The following MAPRE2 variants were observed in gnomAD, a reference collection of about 807,000 sequenced individuals.
The protein encoded by MAPRE2 is microtubule-associated protein RP/EB family member 2.
Under a neutral mutation model 43.2 loss-of-function variants are expected in MAPRE2, and 13 were observed. That is an observed-to-expected ratio of 0.30 (90% CI 0.20 to 0.48). MAPRE2 has a LOEUF of 0.48. Ranked by LOEUF, MAPRE2 falls within the 20% of genes least tolerant of loss-of-function variation. The probability of loss-of-function intolerance (pLI) is 0.99; values close to 1 mark genes in which losing one functional copy is unlikely to be tolerated. For missense variants in MAPRE2, 161 were observed against 400.2 expected (o/e 0.40, Z 5.10); for synonymous variants, 135 against 148.8 (o/e 0.91, Z 0.68).
chr18:35,063,115 T>C (rs1405566350), intron 1 of MAPRE2, among the ~76,000 whole-genome samples: 2 of 152,136 alleles, frequency 1.3e-5, no homozygotes, highest in African/African-American at 2.4e-5. Context: ...GTTGTTGTTT[T>C]TTTTTTGAGA....
chr18:35,137,090 G>A (rs1210729497), intron 6 of MAPRE2, among the ~76,000 whole-genome samples: 1 of 152,212 alleles, frequency 6.6e-6, no homozygotes, highest in Non-Finnish European at 1.5e-5. Context: ...TCTCAGTTGT[G>A]ATTTGTAACA....
At chr18:35,130,295 C>G (rs908309405) in intron 5 of MAPRE2, among the ~76,000 whole-genome samples, 1 of 152,106 alleles carries the variant, frequency 6.6e-6, no homozygotes, top group Non-Finnish European at 1.5e-5. Context: ...TTTCTTTTTT[C>G]TGGAATTTAA....
intron 2 of MAPRE2, among the ~76,000 whole-genome samples, chr18:35,026,255 T>C (rs2097045118): frequency 6.6e-6 from 1 of 152,072 alleles, no homozygotes; most frequent in African/African-American, 2.4e-5. Context: ...GGAAAAACAT[T>C]CTGAGGATTC....
chr18:35,086,437 T>C (rs1480459620), intron 2 of MAPRE2, among the ~76,000 whole-genome samples: 1 of 151,944 alleles, frequency 6.6e-6, no homozygotes, highest in African/African-American at 2.4e-5. Flanking sequence ...TTGGAGCAGA[T>C]TAATGATCTA....
intron 5 of MAPRE2, among the ~76,000 whole-genome samples, chr18:35,127,923 C>T (rs923028896): frequency 2.0e-4 from 31 of 152,244 alleles, no homozygotes; most frequent in African/African-American, 7.0e-4. Context: ...ATAAAAGCAA[C>T]GGGTAGTGGA....
At position 34,996,864 on chromosome 18, in the gene MAPRE2, C is replaced by T. The variant is rs477654; in HGVS notation, c.-69-8628C>T. Among the ~76,000 whole-genome samples the T allele has an allele frequency of 9.2e-3, 1,395 of 152,144 alleles. 13 individuals carry two copies. Among genetic ancestry groups the T allele is most frequent in the African/African-American group, 0.017 (693 of 41,490 alleles). ...AGGAAGCCTGATAAACATAAGAAAA[C>T]GGTAGAATAGATCCATGAGAAAAGC... is the stretch of plus-strand genomic sequence containing the variant. On this transcript the variant is annotated intron_variant, in intron 1 of 7. Coordinates refer to the MAPRE2 transcript ENST00000413393.
chr18:35,042,183 G>A (rs187113319), intron 1 of MAPRE2, among the ~76,000 whole-genome samples: 2 of 152,320 alleles, frequency 1.3e-5, no homozygotes, highest in Admixed American at 1.3e-4. Context: ...GCTGATTGGT[G>A]CAGGGATTGA....
intron 1 of MAPRE2, among the ~76,000 whole-genome samples, chr18:35,065,159 G>A (rs192688211): frequency 1.9e-4 from 29 of 152,220 alleles, no homozygotes; most frequent in African/African-American, 2.6e-4. Flanking sequence ...TTAGCTGGGC[G>A]TGGTGGCATG....
intron 2 of MAPRE2, among the ~76,000 whole-genome samples, chr18:35,029,803 G>A (rs922235362): frequency 1.3e-5 from 2 of 152,162 alleles, no homozygotes; most frequent in African/African-American, 4.8e-5. Flanking sequence ...AAATAAAATA[G>A]AGAAAGGAAA....
chr18:35,009,598 G>T (rs920826866), intron 2 of MAPRE2, among the ~76,000 whole-genome samples: 1 of 152,118 alleles, frequency 6.6e-6, no homozygotes, highest in Admixed American at 6.5e-5. Flanking sequence ...TCTTGTAATT[G>T]CACTTGTACT....
chr18:35,101,099 C>T (rs964206155), intron 3 of MAPRE2, among the ~76,000 whole-genome samples: 1 of 152,128 alleles, frequency 6.6e-6, no homozygotes, highest in African/African-American at 2.4e-5. Context: ...ACATTCCAGG[C>T]GTCTGTTTTT....
intron 4 of MAPRE2, among the ~76,000 whole-genome samples, chr18:35,116,396 C>T (rs1285526460): frequency 6.6e-6 from 1 of 152,184 alleles, no homozygotes; most frequent in Admixed American, 6.5e-5. Flanking sequence ...CAGCTTAAAA[C>T]AACACTTATG....
At chr18:35,059,508 C>T (rs1371467613) in intron 1 of MAPRE2, among the ~76,000 whole-genome samples, 1 of 152,164 alleles carries the variant, frequency 6.6e-6, no homozygotes, top group Non-Finnish European at 1.5e-5. Context: ...CACACAGTTC[C>T]AGACACAGGA....
intron 5 of MAPRE2, among the ~76,000 whole-genome samples, chr18:35,129,557 C>A (rs945377792): frequency 5.3e-5 from 8 of 152,198 alleles, no homozygotes; most frequent in Non-Finnish European, 5.9e-5. Context: ...TAGGAAAAGT[C>A]ATAAAGAAAG....
intron 6 of MAPRE2, among the ~76,000 whole-genome samples, chr18:35,135,755 T>C (rs1910362226): frequency 6.6e-6 from 1 of 152,242 alleles, no homozygotes; most frequent in Non-Finnish European, 1.5e-5. Flanking sequence ...TTTGCACCCA[T>C]GTGCAGGGAT....
chr18:35,133,195 T>C (rs1910240015), intron 6 of MAPRE2, among the ~76,000 whole-genome samples: 1 of 152,190 alleles, frequency 6.6e-6, no homozygotes, highest in African/African-American at 2.4e-5. Flanking sequence ...CTCAAAATAC[T>C]AGCAGTGAAA....
intron 4 of MAPRE2, among the ~76,000 whole-genome samples, chr18:35,116,625 A>T (rs1330706611): frequency 6.6e-6 from 1 of 152,232 alleles, no homozygotes; most frequent in African/African-American, 2.4e-5. Context: ...CCTAGAGGCC[A>T]CTTGCACCTC....
At chr18:35,105,244 T>C (rs1360353722) in intron 4 of MAPRE2, among the ~76,000 whole-genome samples, 2 of 152,164 alleles carry the variant, frequency 1.3e-5, no homozygotes, top group Non-Finnish European at 2.9e-5. Context: ...ATAATAAATT[T>C]TATTTTTAAT....
chr18:34,994,976 G>T (rs1257541531), intron 1 of MAPRE2, among the ~76,000 whole-genome samples: 2 of 152,130 alleles, frequency 1.3e-5, no homozygotes, highest in Non-Finnish European at 2.9e-5. Context: ...ACCCATAAAA[G>T]TATTAACTTA....
Sources: allele counts gnomAD v4.1 joint callset (sites outside exome capture counted in the v4.1 genomes callset), GRCh38; gene constraint gnomAD v4.1.1; transcripts MANE v1.5; gene names NCBI Gene and HGNC (gene_info 2026-07-23, HGNC 2026-07-21).